CDK13: variants seen among roughly 807,000 people sequenced by gnomAD.
CDK13 encodes cyclin dependent kinase 13.
A neutral mutation model predicts 137.6 loss-of-function variants in CDK13; 40 were observed. The ratio of observed to expected loss-of-function variants is 0.29; its 90% confidence interval spans 0.23 to 0.38. The LOEUF is 0.38. Among genes scored for constraint, CDK13 ranks in the 10% least tolerant of loss-of-function variants. The probability of loss-of-function intolerance (pLI) is 1.00; values close to 1 mark genes in which losing one functional copy is unlikely to be tolerated. For missense variants in CDK13, 1,704 were observed against 1,951.8 expected (o/e 0.87, Z 2.39); for synonymous variants, 869 against 760.1 (o/e 1.14, Z -2.36).
intron 1 of CDK13, among the ~76,000 whole-genome samples, chr7:39,956,508 T>G (rs1276806753): frequency 1.3e-5 from 2 of 152,252 alleles, no homozygotes. Context: ...CAGTTCATTC[T>G]GTATCAGGAG....
At chr7:40,052,079 T>C (rs1785901997) in intron 7 of CDK13, among the ~76,000 whole-genome samples, 1 of 152,170 alleles carries the variant, frequency 6.6e-6, no homozygotes, top group Non-Finnish European at 1.5e-5. Context: ...GGAGTATCTT[T>C]CTCTCTTTAT....
intron 9 of CDK13, among the ~76,000 whole-genome samples, chr7:40,075,369 T>C (rs1041072803): frequency 9.9e-5 from 15 of 152,188 alleles, no homozygotes; most frequent in Non-Finnish European, 1.9e-4. Flanking sequence ...TCGGTATGTG[T>C]ATTCCATTGT....
At chr7:39,980,526 TG>T (rs1237079406) in intron 1 of CDK13, among the ~76,000 whole-genome samples, 3 of 152,158 alleles carry the variant, frequency 2.0e-5, no homozygotes, top group Non-Finnish European at 2.9e-5. Context: ...CATACCTTTT[TG>T]GGGGGGTTAA....
At chr7:39,973,608 A>G (rs1227838950) in intron 1 of CDK13, among the ~76,000 whole-genome samples, 1 of 152,164 alleles carries the variant, frequency 6.6e-6, no homozygotes, top group African/African-American at 2.4e-5. Flanking sequence ...TTTTATTTTG[A>G]TGGAGTCCAA....
intron 1 of CDK13, among the ~76,000 whole-genome samples, chr7:39,954,198 G>C (rs892134152): frequency 2.0e-5 from 3 of 151,964 alleles, no homozygotes; most frequent in African/African-American, 7.2e-5. Flanking sequence ...AAACTCATAC[G>C]GTTTTCAGAT....
intron 6 of CDK13, among the ~76,000 whole-genome samples, chr7:40,047,366 G>A (rs911104829): frequency 7.7e-4 from 117 of 152,164 alleles, no homozygotes; most frequent in African/African-American, 2.8e-3. Flanking sequence ...TTAATTAATA[G>A]ACAGTGTTCT....
At chr7:40,004,061 C>T (rs975539414) in intron 5 of CDK13, among the ~76,000 whole-genome samples, 3 of 152,292 alleles carry the variant, frequency 2.0e-5, no homozygotes, top group East Asian at 3.9e-4. Context: ...CTACCTAGCT[C>T]AGTGGCTGGA....
At chr7:40,033,966 G>A (rs1228894198) in intron 5 of CDK13, among the ~76,000 whole-genome samples, 3 of 152,138 alleles carry the variant, frequency 2.0e-5, no homozygotes, top group Non-Finnish European at 2.9e-5. Flanking sequence ...TAAGGCTCTG[G>A]TGGAACCCTG....
chr7:40,052,285 T>A (rs1050625330), intron 7 of CDK13, among the ~76,000 whole-genome samples: 2 of 152,106 alleles, frequency 1.3e-5, no homozygotes, highest in African/African-American at 2.4e-5. Flanking sequence ...TAAGCGATTC[T>A]CCTGCCTCAG....
At chr7:40,087,994 G>C (rs1786829085) in intron 11 of CDK13, 132 bp from the exon 12 acceptor site, 1 of 674,538 alleles carries the variant, frequency 1.5e-6, no homozygotes. Flanking sequence ...TATTGGAAGA[G>C]TTTTACAGAG....
chr7:39,999,538 GA>G, intron 4 of CDK13, 38 bp downstream of exon 4: 2 of 1,548,286 alleles, frequency 1.3e-6, no homozygotes, highest in Non-Finnish European at 1.7e-6. Context: ...TGGGCCTACG[GA>G]ATGTACTTAG....
At chr7:39,991,690 G>A (rs914782739) in intron 2 of CDK13, among the ~76,000 whole-genome samples, 1 of 151,552 alleles carries the variant, frequency 6.6e-6, no homozygotes, top group African/African-American at 2.4e-5. Context: ...TGTAACTACT[G>A]GAACTACTGG....
chr7:40,071,600 A>G (rs577113843), intron 9 of CDK13: 2 of 152,306 alleles, frequency 1.3e-5, no homozygotes, highest in East Asian at 3.9e-4. Flanking sequence ...TGGATCTTTT[A>G]TCTGTGATGA....
chr7:40,092,896 T>G lies in CDK13; in HGVS notation c.3347T>G (p.Ile1116Ser). 1 of 1,614,152 alleles carries G rather than the reference T, an allele frequency of 6.2e-7. No homozygotes were observed. Among genetic ancestry groups the G allele is most frequent in the East Asian group, 2.2e-5 (1 of 44,886 alleles). ...NMADFVQVLNIKVNSETQQQL... is the reference protein window; with the variant it reads ...NMADFVQVLNSKVNSETQQQL... ...GCTGATTTTGTCCAAGTGTTGAACA[T>G]TAAGGTAAACTCTGAGACTCAACAG... The change falls in exon 13 of 14, where the codon ATT (isoleucine) becomes AGT (serine). Residue 1116 changes from isoleucine (I) to serine (S), a missense_variant. By Grantham distance (142) the Ile-to-Ser change is moderately radical (BLOSUM62 -2). Transcript: ENST00000181839.
At chr7:40,027,933 T>TAGGAA (rs1475555156) in intron 5 of CDK13, among the ~76,000 whole-genome samples, 1 of 151,986 alleles carries the variant, frequency 6.6e-6, no homozygotes, top group Non-Finnish European at 1.5e-5. Context: ...CGTAGGCCCT[T>TAGGAA]GCCATAGGAT....
intron 1 of CDK13, chr7:39,985,807 T>C (rs1268904337): frequency 6.6e-6 from 1 of 152,222 alleles, no homozygotes; most frequent in Non-Finnish European, 1.5e-5. Context: ...GGCATGTTTT[T>C]ACTAGCAGCA....
intron 1 of CDK13, among the ~76,000 whole-genome samples, chr7:39,970,395 A>G (rs1783971203): frequency 6.6e-6 from 1 of 152,000 alleles, no homozygotes; most frequent in African/African-American, 2.4e-5. Flanking sequence ...TTCTCAGTCT[A>G]CTTTTATGTA....
At chr7:39,982,692 T>C (rs1784254206) in intron 1 of CDK13, among the ~76,000 whole-genome samples, 1 of 152,226 alleles carries the variant, frequency 6.6e-6, no homozygotes, top group Admixed American at 6.5e-5. Flanking sequence ...TTCCTGACTT[T>C]TCAATGATTG....
At chr7:39,990,129 T>G (rs1185706549) in intron 2 of CDK13, among the ~76,000 whole-genome samples, 1 of 152,214 alleles carries the variant, frequency 6.6e-6, no homozygotes, top group Non-Finnish European at 1.5e-5. Context: ...TTTACTAGGT[T>G]ATTTTCAAGA....
Sources: allele counts gnomAD v4.1 joint callset (sites outside exome capture counted in the v4.1 genomes callset), GRCh38; gene constraint gnomAD v4.1.1; transcripts MANE v1.5; gene names NCBI Gene and HGNC (gene_info 2026-07-23, HGNC 2026-07-21).